Variants in PCDHGB4 observed in about 807,000 individuals in gnomAD.
PCDHGB4 encodes the protein protocadherin gamma subfamily B, 4, also known as protocadherin gamma-B4.
PCDHGB4 carries 38 observed loss-of-function variants against 60.5 expected under a neutral mutation model. The observed-to-expected ratio is 0.63, with a 90% confidence interval of 0.48 to 0.82. The LOEUF is 0.82. Among genes scored for constraint, PCDHGB4 ranks in the 40% least tolerant of loss-of-function variants. The pLI is 0.00. For synonymous variants in PCDHGB4, 456 were observed against 509.7 expected, an observed-to-expected ratio of 0.89 and a Z score of 1.42; for missense variants, 1,109 against 1,209.6, an observed-to-expected ratio of 0.92 and a Z score of 1.23.
chr5:141,466,646 T>C (rs954003023), intron 1 of PCDHGB4, among the ~76,000 whole-genome samples: 11 of 152,210 alleles, frequency 7.2e-5, no homozygotes, highest in African/African-American at 2.4e-4. Context: ...CATAAACTTT[T>C]CACAAAACAT....
chr5:141,394,020 AG>A (rs745548616), intron 1 of PCDHGB4: 1 of 1,613,544 alleles, frequency 6.2e-7, no homozygotes, highest in Non-Finnish European at 8.5e-7. Flanking sequence ...TAATTATTAT[AG>A]ATTAGTGACA....
At chr5:141,414,557 A>T (rs749209012) in intron 1 of PCDHGB4, 25 of 1,613,906 alleles carry the variant, frequency 1.5e-5, no homozygotes, top group Non-Finnish European at 2.0e-5. Flanking sequence ...CAAGTCTCCT[A>T]CTTTACCTAT....
At chr5:141,451,673 G>A (rs912482749) in intron 1 of PCDHGB4, among the ~76,000 whole-genome samples, 4 of 152,164 alleles carry the variant, frequency 2.6e-5, no homozygotes, top group African/African-American at 7.2e-5. Context: ...CTTGAGCCCA[G>A]GAGTTCAAGA....
intron 1 of PCDHGB4, among the ~76,000 whole-genome samples, chr5:141,483,373 G>A (rs1410856257): frequency 6.6e-6 from 1 of 152,166 alleles, no homozygotes; most frequent in Admixed American, 6.5e-5. Flanking sequence ...TGCAATATTT[G>A]AAGAGAAGAT....
At chr5:141,507,797 C>A (rs933921827) in intron 3 of PCDHGB4, among the ~76,000 whole-genome samples, 1 of 152,240 alleles carries the variant, frequency 6.6e-6, no homozygotes, top group Admixed American at 6.5e-5. Context: ...TCTAAGCCTG[C>A]GCCCTGGGGA....
intron 1 of PCDHGB4, chr5:141,404,247 T>C: frequency 6.2e-7 from 1 of 1,613,870 alleles, no homozygotes; most frequent in Non-Finnish European, 8.5e-7. Flanking sequence ...ACTCCGCCCC[T>C]GTCCACAGAA....
At chr5:141,415,740 G>GTTTTTTTTTTTTTTTTT (rs57426385) in intron 1 of PCDHGB4, 21 of 625,042 alleles carry the variant, frequency 3.4e-5, no homozygotes, top group African/African-American at 7.5e-5. Flanking sequence ...GTTTATTAAG[G>GTTTTTTTTTTTTTTTTT]TTTTTTTTTT....
intron 1 of PCDHGB4, among the ~76,000 whole-genome samples, chr5:141,436,150 T>A (rs1270913305): frequency 6.6e-6 from 1 of 152,182 alleles, no homozygotes; most frequent in African/African-American, 2.4e-5. Flanking sequence ...ACTACCAAAA[T>A]GTTTATCATA....
chr5:141,493,289 C>A lies in PCDHGB4; in HGVS notation c.2398-1518C>A, dbSNP rs925045650. On this transcript the variant is annotated intron_variant, in intron 1 of 3. Coordinates refer to ENST00000519479, the MANE Select transcript of PCDHGB4 (RefSeq NM_003736.4). This position sits in a 1 kb window ranked among gnomAD's most constrained non-coding sequence, Gnocchi z 4.3. The stretch of plus-strand genomic sequence containing the variant: ...CTTCACAGAGGTCAAGTGACTTGCT[C>A]AAGTTCACAGAGCAAGTAAGAGAGA... 6.6e-6 allele frequency among the ~76,000 whole-genome samples: 1 copy of A among 152,176 alleles called. No individual in the cohort carries two copies. Among genetic ancestry groups the A allele is most frequent in the East Asian group, 1.9e-4 (1 of 5,194 alleles).
At chr5:141,405,575 G>C in intron 1 of PCDHGB4, 1 of 598,040 alleles carries the variant, frequency 1.7e-6, no homozygotes. Flanking sequence ...GAGTAGAGTA[G>C]CTGGGACTAC....
intron 1 of PCDHGB4, among the ~76,000 whole-genome samples, chr5:141,455,246 G>A (rs2098817522): frequency 6.6e-6 from 1 of 151,962 alleles, no homozygotes; most frequent in Non-Finnish European, 1.5e-5. Context: ...AAAGGTCATA[G>A]TACAATCGCA....
intron 1 of PCDHGB4, among the ~76,000 whole-genome samples, chr5:141,464,625 T>C (rs1477206347): frequency 6.6e-6 from 1 of 152,190 alleles, no homozygotes; most frequent in East Asian, 1.9e-4. Context: ...TGTCAAGCTT[T>C]TTAATTGTTG....
chr5:141,410,230 C>A (rs759582867), intron 1 of PCDHGB4: 2 of 1,614,006 alleles, frequency 1.2e-6, no homozygotes, highest in South Asian at 2.2e-5. Flanking sequence ...CAGACCTCAG[C>A]GACCGCCCTG....
chr5:141,393,450 A>G, intron 1 of PCDHGB4: 1 of 1,614,028 alleles, frequency 6.2e-7, no homozygotes, highest in Non-Finnish European at 8.5e-7. Context: ...CCTGGTCCTC[A>G]CGGCCTCGGA....
intron 1 of PCDHGB4, among the ~76,000 whole-genome samples, chr5:141,464,222 G>A (rs1189319398): frequency 2.7e-5 from 4 of 147,818 alleles, no homozygotes; most frequent in African/African-American, 7.5e-5. Flanking sequence ...CTGAGATTGC[G>A]CCACTGCACT....
chr5:141,388,913 A>T lies in PCDHGB4; in HGVS notation c.1029A>T (p.Pro343=). ...TCATAGATGAAAATGACAACGCCCC[A>T]GAAGTGATATTCCAGTCTCTACCCA... ...VEVIDENDNA[P]EVIFQSLPNL... The change falls in exon 1 of 4, where the codon CCA becomes CCT. Residue 343 remains proline, a synonymous_variant. Transcript: ENST00000519479. 1 of 1,614,040 alleles carries T rather than the reference A, an allele frequency of 6.2e-7. No homozygotes were observed. Among genetic ancestry groups the T allele is most frequent in the Non-Finnish European group, 8.5e-7 (1 of 1,179,894 alleles).
At chr5:141,407,222 C>CA (rs895046980) in intron 1 of PCDHGB4, among the ~76,000 whole-genome samples, 4 of 151,730 alleles carry the variant, frequency 2.6e-5, no homozygotes, top group African/African-American at 7.2e-5. Flanking sequence ...AAGTGGGTAG[C>CA]AAAAAAAATA....
chr5:141,399,210 A>G, intron 1 of PCDHGB4: 2 of 1,613,974 alleles, frequency 1.2e-6, no homozygotes, highest in Non-Finnish European at 1.7e-6. Context: ...CTGGAACACT[A>G]ATTGCTTTGA....
At chr5:141,428,245 C>A in intron 1 of PCDHGB4, 1 of 948,140 alleles carries the variant, frequency 1.1e-6, no homozygotes, top group South Asian at 1.4e-5. Flanking sequence ...GGAGGCACTG[C>A]CAGACTTCAG....
Sources: allele counts gnomAD v4.1 joint callset (sites outside exome capture counted in the v4.1 genomes callset), GRCh38; gene constraint gnomAD v4.1.1; non-coding constraint Gnocchi (gnomAD v3.1); transcripts MANE v1.5; gene names NCBI Gene and HGNC (gene_info 2026-07-23, HGNC 2026-07-21).